Variants in FDX1 observed in about 807,000 individuals in gnomAD.
FDX1 encodes adrenodoxin, mitochondrial.
In FDX1, 9 loss-of-function variants were observed where a neutral mutation model predicts 14.9. That is an observed-to-expected ratio of 0.60 (90% CI 0.36 to 1.05). FDX1 has a LOEUF of 1.05. Ranked by LOEUF, FDX1 falls within the 50% of genes least tolerant of loss-of-function variation. The pLI is 0.01. For synonymous variants in FDX1, 92 were observed against 99.4 expected, an observed-to-expected ratio of 0.93 and a Z score of 0.44; for missense variants, 204 against 237.2, an observed-to-expected ratio of 0.86 and a Z score of 0.92.
intron 2 of FDX1, among the ~76,000 whole-genome samples, chr11:110,456,432 T>G (rs533784441): frequency 6.6e-6 from 1 of 151,980 alleles, no homozygotes; most frequent in Non-Finnish European, 1.5e-5. Flanking sequence ...TGCGTGTGTG[T>G]GCATGCGTGT....
chr11:110,444,685 CACGTATATAT>C (rs1946431167), intron 2 of FDX1, among the ~76,000 whole-genome samples: 1 of 36,736 alleles, frequency 2.7e-5, no homozygotes, highest in Non-Finnish European at 4.4e-5. Context: ...TATATATATA[CACGTATATAT>C]ATATATATAC....
At chr11:110,429,672 T>G (rs966434359), upstream of FDX1, among the ~76,000 whole-genome samples, 5 of 148,906 alleles carry the variant, frequency 3.4e-5, no homozygotes, top group Admixed American at 3.3e-4. Context: ...AATTTCCCAG[T>G]TTTTTTTTTA....
At chr11:110,457,126 G>A in intron 3 of FDX1, 79 bp downstream of exon 3, 1 of 1,297,904 alleles carries the variant, frequency 7.7e-7, no homozygotes, top group Non-Finnish European at 1.1e-6. Context: ...TGTAAGACCA[G>A]ACCCATAAAT....
chr11:110,436,246 A>G (rs1946368358), intron 2 of FDX1, among the ~76,000 whole-genome samples: 2 of 152,216 alleles, frequency 1.3e-5, no homozygotes, highest in Admixed American at 6.5e-5. Context: ...GAGTTAAAAG[A>G]TACCAGGTTA....
chr11:110,447,217 C>T (rs1429807038), intron 2 of FDX1, among the ~76,000 whole-genome samples: 1 of 122,268 alleles, frequency 8.2e-6, no homozygotes, highest in Non-Finnish European at 1.6e-5. Context: ...ATCACGAGGT[C>T]AAGAGATTGA....
intron 3 of FDX1, among the ~76,000 whole-genome samples, chr11:110,458,658 A>T (rs1365460557): frequency 6.6e-6 from 1 of 151,488 alleles, no homozygotes; most frequent in Non-Finnish European, 1.5e-5. Flanking sequence ...CCCTTGCTGG[A>T]GTGCAGTGAC....
intron 2 of FDX1, among the ~76,000 whole-genome samples, chr11:110,444,690 A>ATATATATATATATATACG (rs1946432459): frequency 1.3e-4 from 7 of 54,982 alleles, no homozygotes; most frequent in East Asian, 7.6e-4. Context: ...ATATACACGT[A>ATATATATATATATATACG]TATATATATA....
In FDX1 at chr11:110,463,078, C is replaced by CG. The variant is rs1420024404; in HGVS notation, c.*610_*611insG. On this transcript the variant is annotated 3_prime_UTR_variant, in exon 4 of 4. Coordinates refer to ENST00000260270, the MANE Select transcript of FDX1 (RefSeq NM_004109.5). ...TATTTCAAAATTTTGATTCGGAAGA[C>CG]TAAGTCTGGACGTAGACATTATAAT... 2 of 152,188 alleles carry CG rather than the reference C, an allele frequency of 1.3e-5. No homozygotes were observed. Among genetic ancestry groups the CG allele is most frequent in the African/African-American group, 4.8e-5 (2 of 41,446 alleles). 9.4% of individuals were successfully genotyped at this position (152,188 alleles called of 1,614,324 possible).
intron 1 of FDX1, among the ~76,000 whole-genome samples, chr11:110,431,463 C>A (rs1343771156): frequency 6.6e-6 from 1 of 152,054 alleles, no homozygotes; most frequent in Non-Finnish European, 1.5e-5. Context: ...TTTCAGTCAT[C>A]TTTTCCCCAC....
At chr11:110,431,654 A>C (rs1162678800) in intron 1 of FDX1, among the ~76,000 whole-genome samples, 1 of 152,192 alleles carries the variant, frequency 6.6e-6, no homozygotes, top group Non-Finnish European at 1.5e-5. Context: ...CAACTGAATC[A>C]ATTGGGACAG....
chr11:110,453,084 C>G (rs1056806646), intron 2 of FDX1, among the ~76,000 whole-genome samples: 1 of 152,198 alleles, frequency 6.6e-6, no homozygotes, highest in Non-Finnish European at 1.5e-5. Flanking sequence ...CGCCTGTAAC[C>G]TCAGCACTTT....
intron 2 of FDX1, among the ~76,000 whole-genome samples, chr11:110,436,692 A>G (rs534335388): frequency 7.9e-5 from 12 of 150,952 alleles, no homozygotes; most frequent in African/African-American, 2.9e-4. Flanking sequence ...AAGTTTGAGA[A>G]CCACTGGTCT....
chr11:110,441,257 C>T (rs993911063), intron 2 of FDX1, among the ~76,000 whole-genome samples: 16 of 152,236 alleles, frequency 1.1e-4, no homozygotes, highest in East Asian at 5.8e-4. Context: ...CAAATTGGTA[C>T]GAGGAGTAGG....
intron 2 of FDX1, among the ~76,000 whole-genome samples, chr11:110,438,808 G>C (rs1256556036): frequency 1.3e-5 from 2 of 152,016 alleles, no homozygotes; most frequent in African/African-American, 4.8e-5. Context: ...TTTGCTTGTT[G>C]ATCTGTTTAA....
intron 1 of FDX1, among the ~76,000 whole-genome samples, chr11:110,432,079 G>A (rs115137473): frequency 0.013 from 2,007 of 152,296 alleles, 45 homozygotes; most frequent in African/African-American, 0.046. Flanking sequence ...GCAAGTATGT[G>A]TAGAACATCT....
chr11:110,439,251 A>G (rs1365096032), intron 2 of FDX1, among the ~76,000 whole-genome samples: 1 of 151,290 alleles, frequency 6.6e-6, no homozygotes, highest in Non-Finnish European at 1.5e-5. Context: ...TCTGTTGTCC[A>G]GGTTGGAGTG....
intron 2 of FDX1, among the ~76,000 whole-genome samples, chr11:110,444,681 T>TAC (rs1565381834): frequency 8.2e-5 from 6 of 73,170 alleles, no homozygotes; most frequent in East Asian, 3.6e-4. Flanking sequence ...TATATATATA[T>TAC]ATACACGTAT....
chr11:110,449,507 C>G (rs896054070), intron 2 of FDX1, among the ~76,000 whole-genome samples: 6 of 152,064 alleles, frequency 3.9e-5, no homozygotes, highest in African/African-American at 1.4e-4. Context: ...TAAACATATC[C>G]TTCACCTCAC....
intron 2 of FDX1, among the ~76,000 whole-genome samples, chr11:110,442,662 CT>C (rs1946412263): frequency 6.6e-6 from 1 of 152,174 alleles, no homozygotes; most frequent in African/African-American, 2.4e-5. Flanking sequence ...ATTTTACAGG[CT>C]CATAGGCAGA....
Sources: gnomAD v4.1 joint callset for allele counts (sites outside exome capture counted in the v4.1 genomes callset) on GRCh38, gnomAD v4.1.1 for gene constraint, MANE v1.5 for transcripts, NCBI Gene and HGNC (gene_info 2026-07-23, HGNC 2026-07-21) for gene names.